The following ANO1 variants were observed in gnomAD, a reference collection of about 807,000 sequenced individuals.
ANO1 encodes the protein anoctamin-1.
A neutral mutation model predicts 124.0 loss-of-function variants in ANO1; 59 were observed. The ratio of observed to expected loss-of-function variants is 0.48; its 90% CI spans 0.39 to 0.59. The LOEUF (loss-of-function observed/expected upper bound fraction) is 0.59, where lower values mean the gene tolerates loss of function less well. Ranked by LOEUF, ANO1 falls within the 20% of genes least tolerant of loss-of-function variation. The pLI is 0.00. For synonymous variants in ANO1, 529 were observed against 532.0 expected (o/e 0.99, Z 0.08); for missense variants, 1,059 against 1,328.0 (o/e 0.80, Z 3.15).
chr11:70,069,827 T>C (rs1312815539), intron 1 of ANO1, among the ~76,000 whole-genome samples: 1 of 152,204 alleles, frequency 6.6e-6, no homozygotes, highest in Non-Finnish European at 1.5e-5. Flanking sequence ...GAAGAGCTTC[T>C]GGATGGACAC....
At chr11:70,007,277 T>C (rs12801415) in intron 1 of ANO1, among the ~76,000 whole-genome samples, 1 of 16,152 alleles carries the variant, frequency 6.2e-5, no homozygotes, top group Non-Finnish European at 1.5e-4. Flanking sequence ...TTCTTTCTTT[T>C]TTTTTTTTTT....
At chr11:70,012,588 A>G (rs1347415217) in intron 1 of ANO1, among the ~76,000 whole-genome samples, 1 of 137,838 alleles carries the variant, frequency 7.3e-6, no homozygotes, top group Non-Finnish European at 1.5e-5. Context: ...TCATCTGGCA[A>G]TCTATTCATT....
At chr11:70,110,074 A>T (rs984077898) in intron 6 of ANO1, among the ~76,000 whole-genome samples, 1 of 151,542 alleles carries the variant, frequency 6.6e-6, no homozygotes. Context: ...GGCCTTCCAG[A>T]TGGAGGGAGT....
At chr11:70,160,068 C>T (rs1483245201) in intron 16 of ANO1, among the ~76,000 whole-genome samples, 1 of 152,156 alleles carries the variant, frequency 6.6e-6, no homozygotes, top group Admixed American at 6.5e-5. Context: ...TCCCAGGCTG[C>T]AACTGGGAGA....
At chr11:70,149,935 C>A in intron 12 of ANO1, 143 bp downstream of exon 12, 1 of 817,908 alleles carries the variant, frequency 1.2e-6, no homozygotes, top group Non-Finnish European at 2.0e-6. Context: ...CATCCCCCAC[C>A]CCCTGCCTGC....
At chr11:70,069,001 G>T (rs1237834912) in intron 1 of ANO1, among the ~76,000 whole-genome samples, 1 of 152,224 alleles carries the variant, frequency 6.6e-6, no homozygotes, top group African/African-American at 2.4e-5. Context: ...ATCTACAAAG[G>T]CTGGGCTTCA....
At chr11:70,120,309 C>T (rs1006492413) in intron 8 of ANO1, among the ~76,000 whole-genome samples, 3 of 152,046 alleles carry the variant, frequency 2.0e-5, no homozygotes, top group Admixed American at 6.6e-5. Flanking sequence ...CCTCCAGGAC[C>T]GTGGGTGAGT....
chr11:70,035,861 T>C (rs1857085190), intron 1 of ANO1, among the ~76,000 whole-genome samples: 1 of 152,198 alleles, frequency 6.6e-6, no homozygotes, highest in Non-Finnish European at 1.5e-5. Flanking sequence ...GACTCATTCT[T>C]TTTTATGGCT....
chr11:70,177,043 G>A (rs1226049302), intron 22 of ANO1, among the ~76,000 whole-genome samples: 1 of 152,176 alleles, frequency 6.6e-6, no homozygotes, highest in Non-Finnish European at 1.5e-5. Context: ...GCCCGGAAGC[G>A]AGGAAGACCC....
chr11:70,085,407 G>A (rs2044332990), intron 1 of ANO1: 2 of 1,515,584 alleles, frequency 1.3e-6, no homozygotes, highest in African/African-American at 1.4e-5. Flanking sequence ...GGCAAGGTGG[G>A]CGGGGCACGC....
At chr11:70,136,960 G>T (rs545873660) in intron 11 of ANO1, among the ~76,000 whole-genome samples, 1 of 147,192 alleles carries the variant, frequency 6.8e-6, no homozygotes, top group Non-Finnish European at 1.5e-5. Context: ...GGCCAGGGAG[G>T]GGGTGAGCGC....
chr11:70,162,484 G>A (rs570464559), intron 18 of ANO1, among the ~76,000 whole-genome samples: 3 of 152,136 alleles, frequency 2.0e-5, no homozygotes, highest in South Asian at 4.1e-4. Flanking sequence ...GTGGAAATGC[G>A]GCTGCTGGCC....
intron 7 of ANO1, among the ~76,000 whole-genome samples, chr11:70,113,738 G>C (rs150427416): frequency 6.6e-6 from 1 of 152,234 alleles, no homozygotes; most frequent in East Asian, 1.9e-4. Flanking sequence ...AAAAGGGAAA[G>C]GGGAGAAATG....
rs998344407 is a variant in ANO1 at position 70,189,317 on chromosome 11, T to G, written c.*1313T>G. The G allele has an allele frequency of 1.3e-5, 2 of 152,664 alleles. No homozygotes were observed. Among genetic ancestry groups the G allele is most frequent in the African/African-American group, 4.8e-5 (2 of 41,470 alleles). 9.5% of individuals were successfully genotyped at this position (152,664 alleles called of 1,614,324 possible). A position where few individuals can be genotyped will look rare whatever the true frequency, so the allele number is the denominator to read the frequency against. On this transcript the variant is annotated 3_prime_UTR_variant, in exon 26 of 26. Coordinates refer to ENST00000355303, the MANE Select transcript of ANO1 (RefSeq NM_018043.7). ...GTCAAAGTTCATAGGTGTCGTACAT[T>G]TCCATTATTTGCTAAAATCATGCAA...
At chr11:70,151,754 C>T (rs945882272) in intron 12 of ANO1, among the ~76,000 whole-genome samples, 6 of 152,210 alleles carry the variant, frequency 3.9e-5, no homozygotes, top group African/African-American at 1.4e-4. Context: ...CCTCAGGCGA[C>T]AGGGGCCGCC....
chr11:70,167,120 C>T, intron 20 of ANO1, 122 bp from the exon 21 acceptor site: 1 of 1,309,830 alleles, frequency 7.6e-7, no homozygotes, highest in East Asian at 2.5e-5. Flanking sequence ...GCACTCCAGC[C>T]TGAGCAAAAA....
rs3078418 is a variant in ANO1, at chr11:70,008,645, C to CT, written c.58+22491dup. On this transcript the variant is annotated intron_variant, in intron 1 of 27. Transcript: ENST00000531349. ...TGCCAACTGTTTTACTCCTTTAGCT[C>CT]TTTTTTTTTTTTAAGGCGTGATATT... is the stretch of plus-strand genomic sequence containing the variant. Among the ~76,000 whole-genome samples the CT allele has an allele frequency of 5.2e-3, 777 of 148,092 alleles. 4 individuals carry two copies. Among genetic ancestry groups the CT allele is most frequent in the East Asian group, 0.025 (129 of 5,084 alleles).
At chr11:69,988,891 C>T (rs1286129146) in intron 1 of ANO1, among the ~76,000 whole-genome samples, 1 of 150,324 alleles carries the variant, frequency 6.7e-6, no homozygotes, top group East Asian at 2.0e-4. Flanking sequence ...GTATCCTGGG[C>T]ACCAAGTGAA....
At chr11:70,098,133 C>T (rs2045090343) in intron 2 of ANO1, among the ~76,000 whole-genome samples, 1 of 152,244 alleles carries the variant, frequency 6.6e-6, no homozygotes, top group African/African-American at 2.4e-5. Flanking sequence ...AGCAGCCCCG[C>T]GTCCTCGTGG....
Sources: gnomAD v4.1 joint callset for allele counts (sites outside exome capture counted in the v4.1 genomes callset) on GRCh38, gnomAD v4.1.1 for gene constraint, MANE v1.5 for transcripts, NCBI Gene and HGNC (gene_info 2026-07-23, HGNC 2026-07-21) for gene names.